The following SPATS2 variants were observed in gnomAD, a reference collection of about 807,000 sequenced individuals.
The protein encoded by SPATS2 is spermatogenesis associated serine rich 2.
In SPATS2, 38 loss-of-function variants were observed where a neutral mutation model predicts 63.7. That is an observed-to-expected ratio of 0.60 (90% confidence interval 0.46 to 0.78). SPATS2 has a LOEUF of 0.78. Among genes scored for constraint, SPATS2 ranks in the 30% least tolerant of loss-of-function variants. The pLI, the probability that SPATS2 is intolerant of heterozygous loss-of-function variation, is 0.00. For missense variants in SPATS2, 588 were observed against 666.2 expected (o/e 0.88, Z 1.29); for synonymous variants, 207 against 232.9 (o/e 0.89, Z 1.01).
At chr12:49,421,170 A>G (rs552568319) in intron 2 of SPATS2, among the ~76,000 whole-genome samples, 1 of 152,270 alleles carries the variant, frequency 6.6e-6, no homozygotes, top group African/African-American at 2.4e-5. Context: ...CTATAATCCC[A>G]GCACTTTGGG....
At chr12:49,407,898 T>C (rs1246891004) in intron 2 of SPATS2, among the ~76,000 whole-genome samples, 3 of 152,216 alleles carry the variant, frequency 2.0e-5, no homozygotes, top group Non-Finnish European at 4.4e-5. Flanking sequence ...ACAGCAGAGC[T>C]GAGTATTGTG....
chr12:49,463,033 C>T (rs1185099030), intron 3 of SPATS2: 2 of 152,218 alleles, frequency 1.3e-5, no homozygotes, highest in African/African-American at 4.8e-5. Context: ...ATTTCTCTGC[C>T]TCCTGTCCCC....
chr12:49,464,458 TAA>T (rs1228818478), intron 3 of SPATS2, among the ~76,000 whole-genome samples: 11 of 121,662 alleles, frequency 9.0e-5, no homozygotes, highest in Admixed American at 1.7e-4. Flanking sequence ...TGTCTCTGCT[TAA>T]AAAAAAAAAA....
chr12:49,368,105 A>G (rs1224718522), intron 1 of SPATS2, among the ~76,000 whole-genome samples: 1 of 152,182 alleles, frequency 6.6e-6, no homozygotes, highest in Non-Finnish European at 1.5e-5. Flanking sequence ...GCAGAGACAT[A>G]AAATAGATGT....
rs1293304848 is a variant in SPATS2, at chr12:49,429,475, T to C, written c.-243-31295T>C. ...CCCTTTTTAGTTCCTTTTTTGAGTC[T>C]CACTCTGTTACTCAGGCTGGAATGC... On this transcript the variant is annotated intron_variant, in intron 2 of 13. Transcript: ENST00000552918. 2.6e-5 allele frequency among the ~76,000 whole-genome samples: 4 copies of C among 152,148 alleles called. No individual in the cohort carries two copies. The East Asian group carries it at 5.8e-4, about 22-fold the overall frequency.
chr12:49,410,871 A>AT (rs1484585320), intron 2 of SPATS2, among the ~76,000 whole-genome samples: 1 of 151,542 alleles, frequency 6.6e-6, no homozygotes, highest in East Asian at 1.9e-4. Flanking sequence ...GTTAGGTGCT[A>AT]TCAAATATCT....
chr12:49,369,606 A>T (rs1219226329), intron 1 of SPATS2, among the ~76,000 whole-genome samples: 2 of 152,186 alleles, frequency 1.3e-5, no homozygotes, highest in Non-Finnish European at 2.9e-5. Flanking sequence ...CTTGGGTCTG[A>T]TAACTGTGAT....
chr12:49,387,956 T>C (rs1944349690), intron 2 of SPATS2, among the ~76,000 whole-genome samples: 1 of 152,100 alleles, frequency 6.6e-6, no homozygotes, highest in South Asian at 2.1e-4. Flanking sequence ...AAGTATTTAT[T>C]TTTTTTGAGG....
chr12:49,436,775 G>A (rs1592394163), intron 2 of SPATS2, among the ~76,000 whole-genome samples: 1 of 146,618 alleles, frequency 6.8e-6, no homozygotes, highest in African/African-American at 2.5e-5. Context: ...GGCTGGCCGG[G>A]CAGAGGGGCT....
In SPATS2 at chr12:49,510,614, A is replaced by G. The variant is rs1384750018; in HGVS notation, c.840-3941A>G. On this transcript the variant is annotated intron_variant, in intron 9 of 13. Transcript: ENST00000552918. ...GTTTTGAGCAAATAAAATTGTGTACAAATGTTTTCTGACAGTATTATTGAA... is the reference window on the plus strand; with the variant it reads ...GTTTTGAGCAAATAAAATTGTGTACGAATGTTTTCTGACAGTATTATTGAA... Among the ~76,000 whole-genome samples, 5 of 152,132 alleles carry G rather than the reference A, an allele frequency of 3.3e-5. No homozygotes were observed. The East Asian group carries it at 9.6e-4, about 29-fold the overall frequency.
intron 6 of SPATS2, among the ~76,000 whole-genome samples, chr12:49,492,361 C>T (rs569905982): frequency 6.8e-6 from 1 of 148,134 alleles, no homozygotes; most frequent in East Asian, 1.9e-4. Flanking sequence ...GGCGGGACTA[C>T]AGGTGCGTGC....
chr12:49,415,808 G>A (rs1051610305), intron 2 of SPATS2, among the ~76,000 whole-genome samples: 2 of 152,140 alleles, frequency 1.3e-5, no homozygotes, highest in African/African-American at 2.4e-5. Context: ...AATAGGTATG[G>A]CTGTGTTCCA....
At chr12:49,375,190 GTGT>G (rs147713704) in intron 2 of SPATS2, among the ~76,000 whole-genome samples, 2,128 of 91,050 alleles carry the variant, frequency 0.023, 32 homozygotes, top group African/African-American at 0.034. Context: ...GTGTGTGTGT[GTGT>G]GTGGTGGTAG....
chr12:49,413,116 A>T (rs1592372783), intron 2 of SPATS2, among the ~76,000 whole-genome samples: 1 of 152,250 alleles, frequency 6.6e-6, no homozygotes, highest in South Asian at 2.1e-4. Flanking sequence ...AACTTAGTGC[A>T]TAAAACCCTC....
chr12:49,519,446 A>C (rs1355241493), intron 11 of SPATS2, among the ~76,000 whole-genome samples: 2 of 151,968 alleles, frequency 1.3e-5, no homozygotes, highest in African/African-American at 4.8e-5. Context: ...ATCTGACCTT[A>C]TCTCTTCATC....
chr12:49,442,379 T>A (rs1305488848), intron 2 of SPATS2: 1 of 152,822 alleles, frequency 6.5e-6, no homozygotes, highest in Non-Finnish European at 1.5e-5. Context: ...GAAGGGAGAC[T>A]AGGACCACGG....
At chr12:49,399,134 T>G (rs1944562389) in intron 2 of SPATS2, among the ~76,000 whole-genome samples, 1 of 152,148 alleles carries the variant, frequency 6.6e-6, no homozygotes, top group Non-Finnish European at 1.5e-5. Context: ...TTCTAATTTT[T>G]TTCTCAAAGA....
At chr12:49,457,951 G>C (rs1945748213) in intron 2 of SPATS2, among the ~76,000 whole-genome samples, 1 of 152,092 alleles carries the variant, frequency 6.6e-6, no homozygotes, top group Admixed American at 6.6e-5. Context: ...TACTCACCCT[G>C]CTTTTCCTGA....
At chr12:49,511,949 G>A (rs1032295331) in intron 9 of SPATS2, among the ~76,000 whole-genome samples, 2 of 152,114 alleles carry the variant, frequency 1.3e-5, no homozygotes, top group Non-Finnish European at 1.5e-5. Flanking sequence ...TGTATTTGCT[G>A]TGTGTGTGTA....
Sources: allele counts gnomAD v4.1 joint callset (sites outside exome capture counted in the v4.1 genomes callset), GRCh38; gene constraint gnomAD v4.1.1; transcripts MANE v1.5; gene names NCBI Gene and HGNC (gene_info 2026-07-23, HGNC 2026-07-21).